Variants in LRRC7 observed in about 807,000 individuals in gnomAD.
LRRC7 encodes the protein leucine-rich repeat-containing protein 7.
LRRC7 carries 23 observed loss-of-function variants against 175.7 expected under a neutral mutation model. The ratio of observed to expected loss-of-function variants is 0.13; its 90% CI spans 0.09 to 0.19. The LOEUF (loss-of-function observed/expected upper bound fraction) is 0.19. Among genes scored for constraint, LRRC7 ranks in the 10% least tolerant of loss-of-function variants. The probability of loss-of-function intolerance (pLI) is 1.00; values close to 1 mark genes in which losing one functional copy is unlikely to be tolerated. For synonymous variants in LRRC7, 685 were observed against 680.9 expected, an observed-to-expected ratio of 1.01 and a Z score of -0.09; for missense variants, 1,354 against 1,904.7, an observed-to-expected ratio of 0.71 and a Z score of 5.38.
chr1:69,998,763 A>T (rs146340909), intron 11 of LRRC7, among the ~76,000 whole-genome samples: 36 of 152,348 alleles, frequency 2.4e-4, no homozygotes, highest in African/African-American at 8.2e-4. Flanking sequence ...TAGCTTTTTC[A>T]GTAGGAAGTA....
At chr1:69,736,992 C>G (rs1473356844) in intron 2 of LRRC7, among the ~76,000 whole-genome samples, 3 of 152,082 alleles carry the variant, frequency 2.0e-5, no homozygotes, top group African/African-American at 7.2e-5. Context: ...TTCTTCATAG[C>G]TAGTTCCAAG....
At chr1:70,104,251 T>C (rs549741752) in intron 25 of LRRC7, among the ~76,000 whole-genome samples, 1 of 152,266 alleles carries the variant, frequency 6.6e-6, no homozygotes, top group East Asian at 1.9e-4. Context: ...ATAAAATGAG[T>C]TGTTACAATG....
Position 69,600,081 on chromosome 1 carries a change from T to A in LRRC7, c.2+31440T>A. 1.3e-5 allele frequency among the ~76,000 whole-genome samples: 2 copies of A among 152,132 alleles called. 1 individual carries two copies. Among genetic ancestry groups the A allele is most frequent in the East Asian group, 3.9e-4 (2 of 5,190 alleles). On this transcript the variant is annotated intron_variant, in intron 1 of 26. Transcript: ENST00000651989. ...CAGGCAAAACAATTCTTAAAAAAAT[T>A]TATTAAATTTTATTTTAAAATACAT... is the stretch of plus-strand genomic sequence containing the variant.
chr1:69,924,482 T>A (rs1646995327), intron 7 of LRRC7, among the ~76,000 whole-genome samples: 2 of 152,168 alleles, frequency 1.3e-5, no homozygotes, highest in African/African-American at 4.8e-5. Flanking sequence ...CATTGAGCAG[T>A]GGTTTGTAGT....
chr1:70,088,458 G>A (rs924061869), intron 24 of LRRC7, among the ~76,000 whole-genome samples: 3 of 152,158 alleles, frequency 2.0e-5, no homozygotes, highest in African/African-American at 7.2e-5. Context: ...AGCTTGTTGG[G>A]AGGCTGAGGC....
intron 23 of LRRC7, among the ~76,000 whole-genome samples, chr1:70,066,014 T>A (rs1163751178): frequency 1.3e-5 from 2 of 151,986 alleles, no homozygotes; most frequent in Admixed American, 6.6e-5. Context: ...ACTCAGACTG[T>A]TGCTGACTGG....
intron 3 of LRRC7, among the ~76,000 whole-genome samples, chr1:69,775,562 T>G (rs1179193924): frequency 6.6e-6 from 1 of 152,210 alleles, no homozygotes; most frequent in Non-Finnish European, 1.5e-5. Flanking sequence ...TCATAGAGAT[T>G]ATGAAGCTGA....
chr1:69,575,928 C>G (rs1013514683), intron 1 of LRRC7, among the ~76,000 whole-genome samples: 52 of 152,212 alleles, frequency 3.4e-4, no homozygotes, highest in African/African-American at 1.0e-3. Context: ...AGACTCATTT[C>G]TGAGAAGTTT....
intron 2 of LRRC7, 115 bp downstream of exon 2, chr1:69,678,593 C>A: frequency 5.7e-6 from 4 of 698,358 alleles, no homozygotes; most frequent in South Asian, 1.8e-5. Flanking sequence ...TTTGTTGAGT[C>A]GAGTTGGTCT....
At chr1:69,645,535 C>A (rs1654883544) in intron 1 of LRRC7, among the ~76,000 whole-genome samples, 1 of 151,964 alleles carries the variant, frequency 6.6e-6, no homozygotes, top group South Asian at 2.1e-4. Flanking sequence ...TCAACATTTT[C>A]TTTATATTTT....
At chr1:69,810,765 A>C (rs948860636) in intron 4 of LRRC7, among the ~76,000 whole-genome samples, 3 of 152,196 alleles carry the variant, frequency 2.0e-5, no homozygotes, top group African/African-American at 7.2e-5. Flanking sequence ...CTTACACAAA[A>C]ATTAACTCAG....
intron 8 of LRRC7, among the ~76,000 whole-genome samples, chr1:69,949,125 T>C (rs1282435337): frequency 6.6e-6 from 1 of 150,636 alleles, no homozygotes; most frequent in Non-Finnish European, 1.5e-5. Flanking sequence ...GTTACAAAAG[T>C]AGTTGTAATA....
chr1:69,850,416 G>A (rs1482799061), intron 7 of LRRC7, among the ~76,000 whole-genome samples: 2 of 152,066 alleles, frequency 1.3e-5, no homozygotes, highest in Non-Finnish European at 2.9e-5. Flanking sequence ...GAGACTTCGA[G>A]CAAAGGAAAC....
intron 2 of LRRC7, among the ~76,000 whole-genome samples, chr1:69,718,197 GAA>G (rs1299015506): frequency 6.8e-6 from 1 of 147,364 alleles, no homozygotes; most frequent in East Asian, 2.0e-4. Flanking sequence ...AAGAGAGAGA[GAA>G]AGAAACATGG....
intron 1 of LRRC7, among the ~76,000 whole-genome samples, chr1:69,669,101 A>T (rs1353965398): frequency 6.6e-6 from 1 of 152,136 alleles, no homozygotes; most frequent in Non-Finnish European, 1.5e-5. Flanking sequence ...AGATAAGAAT[A>T]GTTTATACAC....
intron 2 of LRRC7, among the ~76,000 whole-genome samples, chr1:69,745,663 G>A (rs1669175974): frequency 6.6e-6 from 1 of 151,824 alleles, no homozygotes; most frequent in Non-Finnish European, 1.5e-5. Flanking sequence ...ACAGTATAAT[G>A]CTAAATTAAA....
intron 25 of LRRC7, among the ~76,000 whole-genome samples, chr1:70,102,675 C>T (rs1348260730): frequency 6.6e-6 from 1 of 152,126 alleles, no homozygotes; most frequent in African/African-American, 2.4e-5. Context: ...GAGTTTCAGA[C>T]TTTTGATAAT....
In LRRC7 at chr1:69,575,660, T is replaced by A. The variant is rs561994581; in HGVS notation, c.2+7019T>A. Among the ~76,000 whole-genome samples the A allele has an allele frequency of 9.1e-4, 137 of 151,380 alleles. 1 individual carries two copies. The highest frequency in any genetic ancestry group is 1.2e-4 in the Non-Finnish European group (8 of 67,662). ...AACATTAAAATTAAAATGTTCTTTT[T>A]AAATCATTGATCTTTTTAGGATAAT... is the stretch of plus-strand genomic sequence containing the variant. On this transcript the variant is annotated intron_variant, in intron 1 of 26. Coordinates refer to ENST00000651989, the MANE Select transcript of LRRC7 (RefSeq NM_001370785.2).
At chr1:69,915,599 G>C (rs1646662349) in intron 7 of LRRC7, among the ~76,000 whole-genome samples, 1 of 152,090 alleles carries the variant, frequency 6.6e-6, no homozygotes, top group South Asian at 2.1e-4. Flanking sequence ...TATTTTGTCT[G>C]AGAAGTCCTG....
Sources: allele counts gnomAD v4.1 joint callset (sites outside exome capture counted in the v4.1 genomes callset), GRCh38; gene constraint gnomAD v4.1.1; transcripts MANE v1.5; gene names NCBI Gene and HGNC (gene_info 2026-07-23, HGNC 2026-07-21).